Variants in DLC1 observed in about 807,000 individuals in gnomAD.
DLC1 encodes the protein rho GTPase-activating protein 7.
A neutral mutation model predicts 140.3 loss-of-function variants in DLC1; 54 were observed. That is an observed-to-expected ratio of 0.38 (90% CI 0.31 to 0.48). The LOEUF (loss-of-function observed/expected upper bound fraction) is 0.48. Among genes scored for constraint, DLC1 ranks in the 20% least tolerant of loss-of-function variants. The pLI, the probability that DLC1 is intolerant of heterozygous loss-of-function variation, is 0.96. For missense variants in DLC1, 2,536 were observed against 1,907.0 expected (o/e 1.33, Z -6.14); for synonymous variants, 986 against 728.1 (o/e 1.35, Z -5.70).
chr8:13,579,606 T>TTATATTTTATATTATATATTTATAA (rs1805005653), intron 1 of DLC1, among the ~76,000 whole-genome samples: 1 of 134,666 alleles, frequency 7.4e-6, no homozygotes. Flanking sequence ...ATTTAATATA[T>TTATATTTTATATTATATATTTATAA]TATATTTTAT....
chr8:13,525,125 C>T (rs1424682226), intron 1 of DLC1, among the ~76,000 whole-genome samples: 2 of 152,128 alleles, frequency 1.3e-5, no homozygotes, highest in African/African-American at 4.8e-5. Flanking sequence ...CTTCACTTAG[C>T]ATAATTATTT....
At chr8:13,460,803 A>AT (rs1799621499) in intron 2 of DLC1, among the ~76,000 whole-genome samples, 1 of 152,232 alleles carries the variant, frequency 6.6e-6, no homozygotes, top group Non-Finnish European at 1.5e-5. Flanking sequence ...ATCGCAGTGC[A>AT]TGCAATAAGC....
chr8:13,368,611 T>A (rs148431600), intron 4 of DLC1, among the ~76,000 whole-genome samples: 1 of 152,194 alleles, frequency 6.6e-6, no homozygotes, highest in African/African-American at 2.4e-5. Context: ...GAGCCACAGT[T>A]ATTTGTACCA....
chr8:13,087,011 T>G (rs1817619296), intron 16 of DLC1, among the ~76,000 whole-genome samples: 1 of 152,092 alleles, frequency 6.6e-6, no homozygotes, highest in African/African-American at 2.4e-5. Flanking sequence ...TCAAAATAAA[T>G]AAATATAAAA....
At chr8:13,304,710 T>G in intron 5 of DLC1, 8 of 961,988 alleles carry the variant, frequency 8.3e-6, no homozygotes, top group Non-Finnish European at 9.9e-6. Flanking sequence ...AATCCATGTC[T>G]AATTTTTCAT....
chr8:13,579,948 G>A (rs922332134), intron 1 of DLC1, among the ~76,000 whole-genome samples: 2 of 151,900 alleles, frequency 1.3e-5, no homozygotes, highest in Non-Finnish European at 2.9e-5. Flanking sequence ...GACAGGATAG[G>A]AGTTATTCCT....
intron 2 of DLC1, among the ~76,000 whole-genome samples, chr8:13,477,226 A>C (rs1189458004): frequency 6.6e-6 from 1 of 152,036 alleles, no homozygotes; most frequent in Non-Finnish European, 1.5e-5. Context: ...AAAAATACTA[A>C]TCCCCATTCA....
rs55681527 is a variant in DLC1, at chr8:13,582,878, CTATATATATATA to C, written c.-126+21647_-126+21658del. On this transcript the variant is annotated intron_variant, in intron 1 of 1. Transcript: ENST00000631382. ...AGTTATGTTTACAATATACTGTGGT[CTATATATATATA>C]TATATATATATATATATATATATAT... Among the ~76,000 whole-genome samples, 631 of 103,082 alleles carry C rather than the reference CTATATATATATA, an allele frequency of 6.1e-3. 7 individuals are homozygous for C. Among genetic ancestry groups the C allele is most frequent in the East Asian group, 0.039 (115 of 2,958 alleles). 67.6% of individuals were successfully genotyped at this position (103,082 alleles called of 152,430 possible). A position where few individuals can be genotyped will look rare whatever the true frequency, so the allele number is the denominator to read the frequency against.
chr8:13,464,131 C>G (rs976398816), intron 2 of DLC1, among the ~76,000 whole-genome samples: 5 of 152,120 alleles, frequency 3.3e-5, no homozygotes, highest in Non-Finnish European at 7.3e-5. Flanking sequence ...TTGGAGGACA[C>G]AGAGAAACAA....
chr8:13,184,017 T>C (rs1826197214), intron 5 of DLC1, among the ~76,000 whole-genome samples: 1 of 152,216 alleles, frequency 6.6e-6, no homozygotes, highest in South Asian at 2.1e-4. Flanking sequence ...TATTGAGAGA[T>C]TCAACTTCTT....
chr8:13,393,716 G>T (rs375623221), intron 3 of DLC1, 23 bp from the exon 4 acceptor site: 1 of 1,602,264 alleles, frequency 6.2e-7, no homozygotes, highest in Non-Finnish European at 8.5e-7. Context: ...AAATGCACTG[G>T]TATGAAGGAC....
In DLC1 at chr8:13,152,361, A is replaced by T. The variant is rs536636135; in HGVS notation, c.1349-36704T>A. ...CAAAGATTTTGGATTAAACTCTGTA[A>T]TTCTGAGTTTATATAACCCAAAAAA... On this transcript the variant is annotated intron_variant, in intron 5 of 17. Coordinates refer to ENST00000276297, the MANE Select transcript of DLC1 (RefSeq NM_182643.3). Among the ~76,000 whole-genome samples the T allele has an allele frequency of 1.1e-4, 17 of 152,302 alleles. No homozygotes were observed. In the South Asian group the frequency reaches 3.5e-3, roughly 32 times the overall value.
chr8:13,394,650 C>T (rs1193945693), intron 3 of DLC1, among the ~76,000 whole-genome samples: 1 of 152,170 alleles, frequency 6.6e-6, no homozygotes, highest in Non-Finnish European at 1.5e-5. Context: ...TATGTATCCT[C>T]TTTATACATC....
chr8:13,283,580 A>G (rs745861010), intron 5 of DLC1, among the ~76,000 whole-genome samples: 6 of 152,110 alleles, frequency 3.9e-5, no homozygotes, highest in Non-Finnish European at 8.8e-5. Flanking sequence ...TAGTGGTGCG[A>G]TCTTGGCTCA....
At chr8:13,428,459 G>A (rs914515647) in intron 2 of DLC1, among the ~76,000 whole-genome samples, 1 of 152,056 alleles carries the variant, frequency 6.6e-6, no homozygotes, top group South Asian at 2.1e-4. Flanking sequence ...TATGATATCT[G>A]TTAGCAAACT....
intron 2 of DLC1, among the ~76,000 whole-genome samples, chr8:13,416,496 C>A (rs1160613214): frequency 1.3e-5 from 2 of 152,036 alleles, no homozygotes; most frequent in Non-Finnish European, 2.9e-5. Flanking sequence ...TTGGATGATT[C>A]AGGATGGTGG....
intron 5 of DLC1, among the ~76,000 whole-genome samples, chr8:13,272,017 T>C (rs1370519357): frequency 6.6e-6 from 1 of 152,208 alleles, no homozygotes; most frequent in Non-Finnish European, 1.5e-5. Flanking sequence ...GTCACATATC[T>C]CAATCAGGTG....
intron 2 of DLC1, among the ~76,000 whole-genome samples, chr8:13,427,528 T>C (rs1468880569): frequency 6.6e-6 from 1 of 152,226 alleles, no homozygotes; most frequent in Non-Finnish European, 1.5e-5. Flanking sequence ...CTGTCTCTGT[T>C]AGCTTCAACT....
intron 5 of DLC1, among the ~76,000 whole-genome samples, chr8:13,155,713 G>A (rs151335588): frequency 6.6e-6 from 1 of 152,082 alleles, no homozygotes; most frequent in East Asian, 1.9e-4. Context: ...CCAAATCTGA[G>A]GTCTCCTGCT....
Sources: gnomAD v4.1 joint callset for allele counts (sites outside exome capture counted in the v4.1 genomes callset) on GRCh38, gnomAD v4.1.1 for gene constraint, MANE v1.5 for transcripts, NCBI Gene and HGNC (gene_info 2026-07-23, HGNC 2026-07-21) for gene names.